Variants in TANGO2 observed in about 807,000 individuals in gnomAD.
The protein encoded by TANGO2 is transport and golgi organization 2 homolog.
TANGO2 carries 26 observed loss-of-function variants against 39.1 expected under a neutral mutation model. That is an observed-to-expected ratio of 0.67 (90% CI 0.49 to 0.92). The LOEUF is 0.92. TANGO2 is among the 40% of genes least tolerant of loss of function. TANGO2 has a pLI of 0.00. For missense variants in TANGO2, 326 were observed against 360.1 expected, an observed-to-expected ratio of 0.91 and a Z score of 0.77; for synonymous variants, 131 against 144.5, an observed-to-expected ratio of 0.91 and a Z score of 0.67.
chr22:20,052,516 C>T lies in TANGO2; in HGVS notation c.197C>T (p.Thr66Ile). Residue 66 changes from threonine to isoleucine, a missense_variant, in exon 4 of 9, where the codon ACA becomes ATA. Transcript: ENST00000327374. ...KEGGTWLGIS[T>I]RGKLAALTNY... Reference sequence around the variant, plus strand: ...GGAGGCACATGGCTGGGCATCAGCACACGTGGCAAGCTGGCAGCACTCACC... The same window carrying T: ...GGAGGCACATGGCTGGGCATCAGCATACGTGGCAAGCTGGCAGCACTCACC... 4 of 1,606,922 alleles carry T rather than the reference C, an allele frequency of 2.5e-6. No individual in the cohort carries two copies. The highest frequency in any genetic ancestry group is 1.1e-5 in the South Asian group (1 of 89,456).
At chr22:20,063,715 G>C (rs1168360395) in intron 8 of TANGO2, 1 of 398,952 alleles carries the variant, frequency 2.5e-6, no homozygotes, top group South Asian at 6.1e-5. Flanking sequence ...ATCCCTGCGG[G>C]CAAACGCCCC....
intron 5 of TANGO2, 131 bp from the exon 6 acceptor site, chr22:20,055,812 C>G (rs2047219181): frequency 1.3e-6 from 1 of 780,084 alleles, no homozygotes; most frequent in Non-Finnish European, 2.2e-6. Context: ...GTCCTGCAAG[C>G]TCCTGACCTG....
chr22:20,031,886 G>A (rs920176057), intron 1 of TANGO2, among the ~76,000 whole-genome samples: 1 of 152,228 alleles, frequency 6.6e-6, no homozygotes, highest in Non-Finnish European at 1.5e-5. Flanking sequence ...CAGGCCGTGG[G>A]TGCAGGGTCC....
chr22:20,052,371 G>A, intron 3 of TANGO2, 94 bp from the exon 4 acceptor site: 1 of 1,517,140 alleles, frequency 6.6e-7, no homozygotes, highest in Non-Finnish European at 8.9e-7. Context: ...CTTGAGGCAG[G>A]AGCTGGGCCG....
At chr22:20,038,596 AG>A (rs2043292595) in intron 2 of TANGO2, among the ~76,000 whole-genome samples, 1 of 152,212 alleles carries the variant, frequency 6.6e-6, no homozygotes, top group South Asian at 2.1e-4. Flanking sequence ...CTGCCATTCC[AG>A]TTGGCCTCGG....
At chr22:20,061,078 G>C (rs961465059) in intron 6 of TANGO2, 1 of 160,936 alleles carries the variant, frequency 6.2e-6, no homozygotes, top group Non-Finnish European at 1.4e-5. Flanking sequence ...TGTGCCCACT[G>C]TGTGGCGCTG....
intron 3 of TANGO2, 85 bp from the exon 4 acceptor site, chr22:20,052,380 C>T (rs971142285): frequency 1.9e-4 from 298 of 1,528,388 alleles, no homozygotes; most frequent in Admixed American, 4.6e-4. Flanking sequence ...GGAGCTGGGC[C>T]GAGTATGCGT....
At chr22:20,018,523 C>T (rs1407607092), upstream of TANGO2, among the ~76,000 whole-genome samples, 1 of 152,218 alleles carries the variant, frequency 6.6e-6, no homozygotes, top group Non-Finnish European at 1.5e-5. Context: ...GCACCACCCC[C>T]TCCCCACACT....
chr22:20,047,675 C>G (rs950877218), intron 3 of TANGO2, among the ~76,000 whole-genome samples: 1 of 152,188 alleles, frequency 6.6e-6, no homozygotes, highest in African/African-American at 2.4e-5. Context: ...CTGGTCCCCC[C>G]ACTCCCTGGG....
At chr22:20,036,916 A>AT (rs1461647849) in intron 2 of TANGO2, 62 bp downstream of exon 2, 6 of 1,613,984 alleles carry the variant, frequency 3.7e-6, no homozygotes, top group Non-Finnish European at 5.1e-6. Flanking sequence ...GCCAGTTCTC[A>AT]TGCCACCCAA....
chr22:20,036,796 A>G lies in TANGO2; in HGVS notation c.-3A>G. On this transcript the variant is annotated 5_prime_UTR_variant, in exon 2 of 9. Coordinates refer to ENST00000327374, the MANE Select transcript of TANGO2 (RefSeq NM_152906.7). ...TGTGTCAGCAGAGCCGCCCTGCACC[A>G]CCATGTGCATCATCTTCTTTAAGTT... 1 of 1,614,170 alleles carries G rather than the reference A, an allele frequency of 6.2e-7. No homozygotes were observed. The highest frequency in any genetic ancestry group is 8.5e-7 in the Non-Finnish European group (1 of 1,180,034).
chr22:20,042,077 G>A (rs1386656857), intron 2 of TANGO2, among the ~76,000 whole-genome samples: 1 of 151,954 alleles, frequency 6.6e-6, no homozygotes, highest in Non-Finnish European at 1.5e-5. Flanking sequence ...AAACTCCTGG[G>A]CTCAAATGAT....
At chr22:20,048,237 T>C (rs1288030070) in intron 3 of TANGO2, 1 of 152,168 alleles carries the variant, frequency 6.6e-6, no homozygotes, top group African/African-American at 2.4e-5. Flanking sequence ...GATCTGATGG[T>C]TTTATAAGGG....
At chr22:20,041,253 T>A (rs1443620574) in intron 2 of TANGO2, among the ~76,000 whole-genome samples, 1 of 151,980 alleles carries the variant, frequency 6.6e-6, no homozygotes, top group Non-Finnish European at 1.5e-5. Flanking sequence ...TTCAAGCAAT[T>A]CTCTGCCTCA....
chr22:20,055,738 C>T (rs2047203224), intron 5 of TANGO2: 3 of 612,220 alleles, frequency 4.9e-6, no homozygotes, highest in East Asian at 5.5e-5. Flanking sequence ...TGGGAACATA[C>T]CCGTGATGCT....
chr22:20,017,125 C>G (rs1945239946), upstream of TANGO2: 1 of 152,254 alleles, frequency 6.6e-6, no homozygotes, highest in African/African-American at 2.4e-5. Flanking sequence ...CGAGCAGGGA[C>G]TGGCAGAGCC....
intron 8 of TANGO2, among the ~76,000 whole-genome samples, chr22:20,064,037 G>T (rs1186112873): frequency 6.6e-6 from 1 of 152,240 alleles, no homozygotes; most frequent in East Asian, 1.9e-4. Flanking sequence ...CGGCAGAGAG[G>T]GTTGGAGGAG....
intron 2 of TANGO2, among the ~76,000 whole-genome samples, chr22:20,038,082 G>C (rs547101522): frequency 3.9e-5 from 6 of 152,104 alleles, no homozygotes; most frequent in Non-Finnish European, 8.8e-5. Context: ...GAGCGAGACT[G>C]CATCTCAAAA....
At chr22:20,055,819 C>T in intron 5 of TANGO2, 124 bp from the exon 6 acceptor site, 2 of 841,106 alleles carry the variant, frequency 2.4e-6, no homozygotes, top group African/African-American at 1.7e-5. Context: ...AAGCTCCTGA[C>T]CTGGCCGCAG....
Sources: allele counts gnomAD v4.1 joint callset (sites outside exome capture counted in the v4.1 genomes callset), GRCh38; gene constraint gnomAD v4.1.1; transcripts MANE v1.5; gene names NCBI Gene and HGNC (gene_info 2026-07-23, HGNC 2026-07-21).